The following HNF4A variants were observed in gnomAD, a reference collection of about 807,000 sequenced individuals.
HNF4A encodes hepatocyte nuclear factor 4-alpha.
Under a neutral mutation model 52.4 loss-of-function variants are expected in HNF4A, and 15 were observed. The observed-to-expected ratio is 0.29, with a 90% CI of 0.19 to 0.44. The LOEUF is 0.44. HNF4A is among the 20% of genes least tolerant of loss of function. The pLI, the probability that HNF4A is intolerant of heterozygous loss-of-function variation, is 1.00. For synonymous variants in HNF4A, 280 were observed against 264.4 expected (o/e 1.06, Z -0.57); for missense variants, 479 against 647.2 (o/e 0.74, Z 2.82).
intron 1 of HNF4A, among the ~76,000 whole-genome samples, chr20:44,385,146 C>T (rs1600668581): frequency 7.6e-6 from 1 of 131,296 alleles, no homozygotes; most frequent in Non-Finnish European, 1.5e-5. Flanking sequence ...GGGTTTGGTT[C>T]TGTCACCACT....
chr20:44,412,573 G>A (rs1485911703), intron 3 of HNF4A, among the ~76,000 whole-genome samples: 1 of 152,066 alleles, frequency 6.6e-6, no homozygotes, highest in South Asian at 2.1e-4. Context: ...AGGTTGGAAG[G>A]CACTGGTTTT....
At chr20:44,402,597 G>A (rs187118966) in intron 1 of HNF4A, 56 of 1,365,822 alleles carry the variant, frequency 4.1e-5, no homozygotes, top group Admixed American at 1.5e-4. Flanking sequence ...CATCCCCTCC[G>A]ACATCACTGG....
upstream of HNF4A, among the ~76,000 whole-genome samples, chr20:44,400,596 C>T (rs897639641): frequency 6.6e-6 from 1 of 151,970 alleles, no homozygotes; most frequent in Admixed American, 6.6e-5. Context: ...TGGGAAAATC[C>T]GAGATGGAGC....
At chr20:44,384,389 A>G (rs2063194018) in intron 1 of HNF4A, 1 of 152,190 alleles carries the variant, frequency 6.6e-6, no homozygotes, top group Non-Finnish European at 1.5e-5. Context: ...CAGATATGAA[A>G]AAATCATAAT....
chr20:44,355,768 T>C, exon 1 of HNF4A: 1 of 1,608,500 alleles, frequency 6.2e-7, no homozygotes, highest in Admixed American at 1.7e-5. Flanking sequence ...CCCCTGCTCC[T>C]CCATGCCCCC....
At chr20:44,357,344 T>C (rs1240514785) in intron 1 of HNF4A, among the ~76,000 whole-genome samples, 1 of 152,010 alleles carries the variant, frequency 6.6e-6, no homozygotes. Flanking sequence ...GGAGATAGCA[T>C]AGAGGAGATT....
At chr20:44,356,192 G>A (rs1326242970) in intron 1 of HNF4A, among the ~76,000 whole-genome samples, 1 of 152,158 alleles carries the variant, frequency 6.6e-6, no homozygotes, top group Non-Finnish European at 1.5e-5. Flanking sequence ...GTTTCGATGC[G>A]GGGCAAATTG....
At chr20:44,375,329 G>A (rs533171466) in intron 1 of HNF4A, among the ~76,000 whole-genome samples, 142 of 152,112 alleles carry the variant, frequency 9.3e-4, no homozygotes, top group African/African-American at 3.2e-3. Flanking sequence ...TTCAGAGTTC[G>A]CAAATATTTT....
intron 1 of HNF4A, among the ~76,000 whole-genome samples, chr20:44,356,239 G>A: frequency 6.6e-6 from 1 of 152,212 alleles, no homozygotes; most frequent in East Asian, 1.9e-4. Context: ...CCTAGGTCAC[G>A]TTGCTGGTGC....
chr20:44,394,154 C>T lies in HNF4A; in HGVS notation c.50-11904C>T, dbSNP rs559870606. 5.9e-5 allele frequency among the ~76,000 whole-genome samples: 9 copies of T among 152,288 alleles called. No homozygotes were observed. The South Asian group carries it at 1.7e-3, about 28-fold the overall frequency. On this transcript the variant is annotated intron_variant, in intron 1 of 9. Transcript: ENST00000316673. ...CAGGCACCTCTCTGCTTCCAGCCAGCCCTGGGAGGAGGGGGAGAACGGCAT... is the reference window on the plus strand; with the variant it reads ...CAGGCACCTCTCTGCTTCCAGCCAGTCCTGGGAGGAGGGGGAGAACGGCAT...
intron 1 of HNF4A, among the ~76,000 whole-genome samples, chr20:44,401,778 G>A (rs1270936454): frequency 6.6e-6 from 1 of 152,210 alleles, no homozygotes; most frequent in Non-Finnish European, 1.5e-5. Flanking sequence ...GCTCTGCTTG[G>A]CGCTTGGCAC....
rs564114816 is a variant in HNF4A, at chr20:44,419,674, T to C, written c.737-47T>C. On this transcript the variant is annotated intron_variant, in intron 6 of 9. Transcript: ENST00000316099. The stretch of plus-strand genomic sequence containing the variant: ...AAAAGCCAAAACTAGAGGAGAGGGG[T>C]CAACCCAAGGTGACTTCCCATCCTC... The C allele has an allele frequency of 3.6e-5, 57 of 1,600,730 alleles. 1 individual carries two copies. The South Asian group carries it at 6.1e-4, about 17-fold the overall frequency.
Position 44,428,186 on chromosome 20 carries a change from C to T in HNF4A, c.1130-149C>T, listed in dbSNP as rs1016729122. 6.4e-6 allele frequency: 5 copies of T among 783,364 alleles called. No individual in the cohort carries two copies. The African/African-American group carries it at 8.5e-5, about 13-fold the overall frequency. 48.5% of individuals were successfully genotyped at this position (783,364 alleles called of 1,614,324 possible). A position where few individuals can be genotyped will look rare whatever the true frequency, so the allele number is the denominator to read the frequency against. On this transcript the variant is annotated intron_variant, in intron 8 of 9. Coordinates refer to ENST00000316099, the MANE Select transcript of HNF4A (RefSeq NM_000457.6). Reference sequence around the variant, plus strand: ...AGTCTATAGATGGGAATGGTACACCCTAGTTTACTAACCCAGGAATAGGTA... The same window carrying T: ...AGTCTATAGATGGGAATGGTACACCTTAGTTTACTAACCCAGGAATAGGTA...
intron 1 of HNF4A, among the ~76,000 whole-genome samples, chr20:44,359,758 T>A (rs973401558): frequency 6.6e-5 from 10 of 152,092 alleles, no homozygotes; most frequent in Non-Finnish European, 1.2e-4. Flanking sequence ...AAGCCAAATG[T>A]ACCCTGGGGC....
chr20:44,391,987 A>AAAT (rs1359853100), intron 1 of HNF4A: 1 of 152,226 alleles, frequency 6.6e-6, no homozygotes, highest in Non-Finnish European at 1.5e-5. Flanking sequence ...GTAAAATATT[A>AAAT]AATAATAATA....
At chr20:44,378,353 C>A (rs1240718947) in intron 1 of HNF4A, among the ~76,000 whole-genome samples, 1 of 151,444 alleles carries the variant, frequency 6.6e-6, no homozygotes, top group Non-Finnish European at 1.5e-5. Flanking sequence ...CTACAACCTC[C>A]ACCTCCCAGG....
chr20:44,414,625 A>C lies in HNF4A; in HGVS notation c.611A>C (p.Tyr204Ser). 2 of 1,613,520 alleles carry C rather than the reference A, an allele frequency of 1.2e-6. No homozygotes were observed. Among genetic ancestry groups the C allele is most frequent in the Non-Finnish European group, 1.7e-6 (2 of 1,179,712 alleles). The change falls in exon 5 of 10, where the codon TAC becomes TCC. Residue 204 changes from tyrosine (Y) to serine (S), a missense_variant. Physicochemically the swap from Tyr to Ser is moderately radical, Grantham distance 144 (BLOSUM62 -2). Coordinates refer to ENST00000316099, the MANE Select transcript of HNF4A (RefSeq NM_000457.6). ...CTGGTTCTCGTTGAGTGGGCCAAGT[A>C]CATCCCAGCTTTCTGCGAGCTCCCC...
At chr20:44,414,456 TGCG>T (rs2063631927) in intron 4 of HNF4A, 48 bp from the exon 5 acceptor site, 1 of 1,612,974 alleles carries the variant, frequency 6.2e-7, no homozygotes, top group African/African-American at 1.3e-5. Flanking sequence ...GGACAGAGAG[TGCG>T]GGAGGGCCCG....
intron 1 of HNF4A, among the ~76,000 whole-genome samples, chr20:44,356,455 C>G (rs1028022851): frequency 3.9e-5 from 6 of 152,056 alleles, no homozygotes; most frequent in African/African-American, 1.4e-4. Flanking sequence ...TTAGGGTGAC[C>G]CCCACATTGG....
Sources: allele counts gnomAD v4.1 joint callset (sites outside exome capture counted in the v4.1 genomes callset), GRCh38; gene constraint gnomAD v4.1.1; transcripts MANE v1.5; gene names NCBI Gene and HGNC (gene_info 2026-07-23, HGNC 2026-07-21).